The following PDE1C variants were observed in gnomAD, a reference collection of about 807,000 sequenced individuals.
The protein encoded by PDE1C is phosphodiesterase 1C, also known as dual specificity calcium/calmodulin-dependent 3',5'-cyclic nucleotide phosphodiesterase 1C.
A neutral mutation model predicts 93.1 loss-of-function variants in PDE1C; 62 were observed. That is an observed-to-expected ratio of 0.67 (90% CI 0.54 to 0.82). The LOEUF (loss-of-function observed/expected upper bound fraction) is 0.82. PDE1C is among the 40% of genes least tolerant of loss of function. The pLI, the probability that PDE1C is intolerant of heterozygous loss-of-function variation, is 0.00. For synonymous variants in PDE1C, 325 were observed against 310.1 expected, an observed-to-expected ratio of 1.05 and a Z score of -0.50; for missense variants, 742 against 884.6, an observed-to-expected ratio of 0.84 and a Z score of 2.04.
At chr7:31,723,360 T>G in the PDE1C span, among the ~76,000 whole-genome samples, 6 of 152,292 alleles carry the variant, frequency 3.9e-5, no homozygotes, top group African/African-American at 1.4e-4. Context: ...AGCTGAGAAT[T>G]TGTGCCTAGG....
At chr7:32,313,604 G>A (rs1465703090) in intron 1 of PDE1C, among the ~76,000 whole-genome samples, 1 of 151,988 alleles carries the variant, frequency 6.6e-6, no homozygotes, top group Non-Finnish European at 1.5e-5. Flanking sequence ...TCCTTTGTGG[G>A]GACACGGATG....
intron 1 of PDE1C, among the ~76,000 whole-genome samples, chr7:32,382,893 G>C (rs1784559630): frequency 6.6e-6 from 1 of 152,128 alleles, no homozygotes; most frequent in Non-Finnish European, 1.5e-5. Context: ...CTCCCACCCT[G>C]TGGACCTCTC....
chr7:32,299,287 C>G (rs1429883933), exon 1 of PDE1C: 1 of 986,430 alleles, frequency 1.0e-6, no homozygotes, highest in East Asian at 1.1e-4. Context: ...GCAAACCCCT[C>G]AGCCATGAGA....
chr7:31,999,941 G>A (rs975793844), intron 2 of PDE1C, among the ~76,000 whole-genome samples: 5 of 152,268 alleles, frequency 3.3e-5, no homozygotes, highest in Non-Finnish European at 4.4e-5. Context: ...AGATTTCCAT[G>A]CAGAGGCAGG....
intron 1 of PDE1C, among the ~76,000 whole-genome samples, chr7:32,372,633 C>A (rs1307182885): frequency 6.6e-6 from 1 of 152,158 alleles, no homozygotes; most frequent in East Asian, 1.9e-4. Flanking sequence ...ATAAATTGGA[C>A]TTCATCAAAT....
the PDE1C span, among the ~76,000 whole-genome samples, chr7:31,622,941 A>T: frequency 1.3e-5 from 2 of 152,250 alleles, no homozygotes; most frequent in South Asian, 4.1e-4. Flanking sequence ...CCAATCCCAC[A>T]GAAATACAAA....
intron 3 of PDE1C, among the ~76,000 whole-genome samples, chr7:32,147,033 A>G (rs1355809648): frequency 6.6e-6 from 1 of 152,134 alleles, no homozygotes; most frequent in Non-Finnish European, 1.5e-5. Context: ...GTACAAAGAT[A>G]TATACTAAAT....
At chr7:31,659,541 T>G in the PDE1C span, among the ~76,000 whole-genome samples, 2 of 152,228 alleles carry the variant, frequency 1.3e-5, no homozygotes, top group Admixed American at 6.5e-5. Flanking sequence ...AGGCTATTTG[T>G]TCATCACTTG....
In PDE1C at chr7:31,789,956, C is replaced by A. The variant is rs1024464837; in HGVS notation, c.1892-14224G>T. The A allele has an allele frequency of 5.8e-6, 7 of 1,211,640 alleles. No individual in the cohort carries two copies. The African/African-American group carries it at 1.1e-4, about 19-fold the overall frequency. The allele number at this position is 1,211,640 out of a possible 1,614,324, so 75.1% of individuals were successfully genotyped here. On this transcript the variant is annotated intron_variant, in intron 16 of 17. Transcript: ENST00000396191. ...CATTAGCAAAGGATTTTGAGGATGCCCCTTCATGTTTTGTTTCTGTTTGAG... is the reference window on the plus strand; with the variant it reads ...CATTAGCAAAGGATTTTGAGGATGCACCTTCATGTTTTGTTTCTGTTTGAG...
intron 1 of PDE1C, among the ~76,000 whole-genome samples, chr7:32,335,510 GA>G (rs964238153): frequency 3.9e-5 from 6 of 152,146 alleles, no homozygotes; most frequent in African/African-American, 1.4e-4. Context: ...AGTTCAAGAT[GA>G]TCAAAGTGTC....
chr7:32,028,839 C>G (rs997746348), intron 2 of PDE1C, among the ~76,000 whole-genome samples: 23 of 152,014 alleles, frequency 1.5e-4, no homozygotes, highest in African/African-American at 5.6e-4. Flanking sequence ...CATCAATTCC[C>G]CATTCCTTCC....
intron 17 of PDE1C, among the ~76,000 whole-genome samples, chr7:31,765,041 G>A (rs1795055242): frequency 6.6e-6 from 1 of 152,144 alleles, no homozygotes; most frequent in African/African-American, 2.4e-5. Context: ...TTCCTCTCAA[G>A]CTTTCAAGTT....
chr7:32,158,625 T>C (rs958050026), intron 3 of PDE1C, among the ~76,000 whole-genome samples: 4 of 152,214 alleles, frequency 2.6e-5, no homozygotes, highest in African/African-American at 9.7e-5. Flanking sequence ...GAACACCCAG[T>C]GTTTAATCAC....
At chr7:32,371,337 C>T (rs1055225260) in intron 1 of PDE1C, among the ~76,000 whole-genome samples, 2 of 152,216 alleles carry the variant, frequency 1.3e-5, no homozygotes, top group African/African-American at 2.4e-5. Context: ...ACTAAGCAAC[C>T]AAATTTTCTT....
At chr7:32,072,946 G>A (rs77325495), upstream of PDE1C, among the ~76,000 whole-genome samples, 93 of 152,274 alleles carry the variant, frequency 6.1e-4, no homozygotes, top group Middle Eastern at 3.4e-3. Flanking sequence ...ATTCATTGAG[G>A]TCATCTGGAG....
chr7:31,868,167 T>C (rs1027422397), intron 6 of PDE1C, among the ~76,000 whole-genome samples: 1 of 152,204 alleles, frequency 6.6e-6, no homozygotes, highest in African/African-American at 2.4e-5. Context: ...CACTTCCAAA[T>C]GATTGACTAA....
At chr7:31,775,567 G>A (rs2128630047) in intron 17 of PDE1C, 97 bp downstream of exon 17, 4 of 961,278 alleles carry the variant, frequency 4.2e-6, no homozygotes, top group East Asian at 5.1e-5. Flanking sequence ...GGATAACTAT[G>A]GGGCCATGTT....
the PDE1C span, among the ~76,000 whole-genome samples, chr7:31,715,147 G>A: frequency 6.6e-6 from 1 of 151,942 alleles, no homozygotes; most frequent in Non-Finnish European, 1.5e-5. Flanking sequence ...TCCAACAATT[G>A]TAATCATTTG....
At chr7:31,734,999 C>T in the PDE1C span, among the ~76,000 whole-genome samples, 1 of 152,196 alleles carries the variant, frequency 6.6e-6, no homozygotes, top group Non-Finnish European at 1.5e-5. Context: ...CTTTTGATGT[C>T]ACCTGGGAGC....
Sources: gnomAD v4.1 joint callset for allele counts (sites outside exome capture counted in the v4.1 genomes callset) on GRCh38, gnomAD v4.1.1 for gene constraint, MANE v1.5 for transcripts, NCBI Gene and HGNC (gene_info 2026-07-23, HGNC 2026-07-21) for gene names.